The following RNF121 variants were observed in gnomAD, a reference collection of about 807,000 sequenced individuals.
RNF121 encodes the protein ring finger protein 121.
Under a neutral mutation model 46.5 loss-of-function variants are expected in RNF121, and 21 were observed. The observed-to-expected ratio is 0.45, with a 90% CI of 0.32 to 0.65. The LOEUF is 0.65. Ranked by LOEUF, RNF121 falls within the 30% of genes least tolerant of loss-of-function variation. The probability of loss-of-function intolerance (pLI) is 0.04; values close to 1 mark genes in which losing one functional copy is unlikely to be tolerated. For synonymous variants in RNF121, 139 were observed against 144.7 expected (o/e 0.96, Z 0.28); for missense variants, 346 against 416.0 (o/e 0.83, Z 1.46).
intron 3 of RNF121, among the ~76,000 whole-genome samples, chr11:71,979,105 A>C (rs1458179984): frequency 6.6e-6 from 1 of 152,202 alleles, no homozygotes; most frequent in Admixed American, 6.5e-5. Context: ...TTTCCCATTA[A>C]ATGCAAAATT....
intron 2 of RNF121, among the ~76,000 whole-genome samples, chr11:71,959,278 AT>A (rs1459376328): frequency 6.6e-6 from 1 of 152,098 alleles, no homozygotes; most frequent in Admixed American, 6.5e-5. Flanking sequence ...CCCCCCTTAC[AT>A]TTTGTTATGA....
chr11:71,989,447 C>T (rs923939583), intron 5 of RNF121, among the ~76,000 whole-genome samples: 5 of 152,120 alleles, frequency 3.3e-5, no homozygotes, highest in African/African-American at 7.2e-5. Context: ...CTGAACTCTA[C>T]AATGAGGAAA....
intron 1 of RNF121, among the ~76,000 whole-genome samples, chr11:71,949,863 G>A (rs546499325): frequency 8.9e-4 from 136 of 152,040 alleles, no homozygotes; most frequent in African/African-American, 1.4e-3. Flanking sequence ...TTAGCTGGGC[G>A]TGGTGGCACG....
At chr11:71,952,844 TAAATC>T (rs1322647119) in intron 1 of RNF121, among the ~76,000 whole-genome samples, 1 of 152,140 alleles carries the variant, frequency 6.6e-6, no homozygotes, top group African/African-American at 2.4e-5. Context: ...GTGGAATAAT[TAAATC>T]AAGCTAGTAA....
intron 3 of RNF121, among the ~76,000 whole-genome samples, chr11:71,963,226 T>C (rs1168294371): frequency 6.6e-6 from 1 of 152,236 alleles, no homozygotes; most frequent in Non-Finnish European, 1.5e-5. Flanking sequence ...AAGTTCAGTA[T>C]ATCTATTTTT....
At chr11:71,944,244 A>G (rs1264102706) in intron 1 of RNF121, among the ~76,000 whole-genome samples, 2 of 152,142 alleles carry the variant, frequency 1.3e-5, no homozygotes, top group Admixed American at 1.3e-4. Flanking sequence ...GAGGCAGGAG[A>G]ATCACTTAAA....
chr11:71,994,595 T>A, intron 6 of RNF121, 124 bp from the exon 7 acceptor site: 1 of 1,090,610 alleles, frequency 9.2e-7, no homozygotes, highest in Non-Finnish European at 1.3e-6. Context: ...AGATGTCCTC[T>A]AACTCTGGGC....
intron 8 of RNF121, among the ~76,000 whole-genome samples, 161 bp downstream of exon 8, chr11:71,995,712 C>A (rs61890895): frequency 0.056 from 8,462 of 152,218 alleles, 325 homozygotes; most frequent in Non-Finnish European, 0.084. Context: ...CCCCATGATA[C>A]AACCCCAGTT....
chr11:71,953,636 A>C (rs1363633902), intron 1 of RNF121, among the ~76,000 whole-genome samples: 1 of 152,226 alleles, frequency 6.6e-6, no homozygotes, highest in Non-Finnish European at 1.5e-5. Flanking sequence ...GCAAGGCAGT[A>C]GAGGATGTTT....
At chr11:71,936,162 A>G (rs1953405318) in intron 1 of RNF121, among the ~76,000 whole-genome samples, 1 of 151,972 alleles carries the variant, frequency 6.6e-6, no homozygotes, top group East Asian at 1.9e-4. Context: ...CGCCTGGCCT[A>G]TAATTATTCT....
intron 6 of RNF121, among the ~76,000 whole-genome samples, chr11:71,992,844 T>G (rs1326378590): frequency 6.8e-6 from 1 of 146,692 alleles, no homozygotes; most frequent in African/African-American, 2.5e-5. Flanking sequence ...ATTTTTTTTT[T>G]CAGAATGGAA....
At chr11:71,932,912 G>A (rs2032352) in intron 1 of RNF121, among the ~76,000 whole-genome samples, 146,676 of 152,278 alleles carry the variant, frequency 0.96, 70,814 homozygotes, top group African/African-American at 0.99. Flanking sequence ...TTTCAGGAGG[G>A]ATGATTAGCC....
chr11:71,978,100 C>A, intron 3 of RNF121: 1 of 329,206 alleles, frequency 3.0e-6, no homozygotes, highest in South Asian at 2.1e-5. Flanking sequence ...GGGGTTTCAC[C>A]GTGTTGCCCA....
chr11:71,944,930 C>T (rs1362688665), intron 1 of RNF121, among the ~76,000 whole-genome samples: 5 of 152,066 alleles, frequency 3.3e-5, no homozygotes, highest in Non-Finnish European at 1.5e-5. Flanking sequence ...GTATTTACTG[C>T]TGGCTATTAA....
chr11:71,996,530 T>C lies in RNF121; in HGVS notation c.*215T>C, dbSNP rs757558784. ...GGGGCTTTTTAAAAGAAAACTATTT[T>C]GATGAATATATTTAAAAAACCTTTT... is the stretch of plus-strand genomic sequence containing the variant. On this transcript the variant is annotated 3_prime_UTR_variant, in exon 9 of 9. Transcript: ENST00000361756. 7.4e-5 allele frequency: 38 copies of C among 514,930 alleles called. No homozygotes were observed. The highest frequency in any genetic ancestry group is 1.1e-4 in the Non-Finnish European group (31 of 294,600). The allele number at this position is 514,930 out of a possible 1,614,324, so 31.9% of individuals were successfully genotyped here.
At chr11:71,978,293 G>T in intron 3 of RNF121, 1 of 315,720 alleles carries the variant, frequency 3.2e-6, no homozygotes, top group South Asian at 2.3e-5. Context: ...CCTCTGCCTT[G>T]CCCCTCCCCA....
In RNF121 at chr11:71,942,010, G is replaced by A. The variant is rs146689179; in HGVS notation, c.63+12886G>A. On this transcript the variant is annotated intron_variant, in intron 1 of 8. Transcript: ENST00000361756. ...TGCAGTAGCGCGATCTTGGCTCGCTGCAAGCTCCGCCTCCTGGGTTCGTGC... is the reference window on the plus strand; with the variant it reads ...TGCAGTAGCGCGATCTTGGCTCGCTACAAGCTCCGCCTCCTGGGTTCGTGC... Among the ~76,000 whole-genome samples the A allele has an allele frequency of 7.2e-3, 1,081 of 149,440 alleles. 20 individuals are homozygous for A. Among genetic ancestry groups the A allele is most frequent in the African/African-American group, 0.025 (1,007 of 40,456 alleles).
intron 6 of RNF121, among the ~76,000 whole-genome samples, chr11:71,991,811 T>C (rs1954867265): frequency 6.6e-6 from 1 of 152,180 alleles, no homozygotes; most frequent in South Asian, 2.1e-4. Flanking sequence ...ATTAAAGATT[T>C]TGATTTTTAT....
At chr11:71,982,528 C>G (rs1422206719) in intron 3 of RNF121, among the ~76,000 whole-genome samples, 1 of 151,844 alleles carries the variant, frequency 6.6e-6, no homozygotes, top group Non-Finnish European at 1.5e-5. Flanking sequence ...AGCAAGAGCT[C>G]AAATGGAAAG....
Sources: allele counts gnomAD v4.1 joint callset (sites outside exome capture counted in the v4.1 genomes callset), GRCh38; gene constraint gnomAD v4.1.1; transcripts MANE v1.5; gene names NCBI Gene and HGNC (gene_info 2026-07-23, HGNC 2026-07-21).